Variants in FGF5 observed in about 807,000 individuals in gnomAD.
FGF5 encodes the protein heparin-binding growth factor 5.
In FGF5, 23 loss-of-function variants were observed where a neutral mutation model predicts 21.8. The ratio of observed to expected loss-of-function variants is 1.05; its 90% CI spans 0.76 to 1.49. The LOEUF is 1.49. Ranked by LOEUF, FGF5 falls within the 40% of genes most tolerant of loss-of-function variation. FGF5 has a pLI of 0.00. For missense variants in FGF5, 352 were observed against 332.9 expected, an observed-to-expected ratio of 1.06 and a Z score of -0.45; for synonymous variants, 158 against 124.0, an observed-to-expected ratio of 1.27 and a Z score of -1.82.
rs1286020976 is a variant in FGF5, at chr4:80,274,904, C to T, written c.356-5C>T. On this transcript the variant is annotated splice_polypyrimidine_tract_variant and splice_region_variant and intron_variant, in intron 1 of 2. Coordinates refer to ENST00000312465, the MANE Select transcript of FGF5 (RefSeq NM_004464.4). ...TGTTTTATTTTGGGATTTCTGTCAT[C>T]CTAGGTGTTTTGGAAATATTTGCTG... The T allele has an allele frequency of 7.3e-7, 1 of 1,368,062 alleles. No homozygotes were observed. Among genetic ancestry groups the T allele is most frequent in the South Asian group, 1.2e-5 (1 of 82,728 alleles). The allele number at this position is 1,368,062 out of a possible 1,614,324, so 84.7% of individuals were successfully genotyped here.
At chr4:80,267,230 T>C in intron 1 of FGF5, 51 bp downstream of exon 1, 1 of 1,441,038 alleles carries the variant, frequency 6.9e-7, no homozygotes, top group Non-Finnish European at 9.5e-7. Flanking sequence ...CGCGGAAGAT[T>C]CGGGAGGGAC....
intron 2 of FGF5, among the ~76,000 whole-genome samples, chr4:80,284,158 G>A (rs1020832011): frequency 1.3e-5 from 2 of 152,176 alleles, no homozygotes; most frequent in African/African-American, 4.8e-5. Flanking sequence ...CCTTCGGCCG[G>A]GTGCGGTGGC....
Position 80,288,021 on chromosome 4 carries a change from T to C in FGF5, c.*1349T>C, listed in dbSNP as rs1045198406. 1.3e-5 allele frequency: 2 copies of C among 152,158 alleles called. No homozygotes were observed. Among genetic ancestry groups the C allele is most frequent in the Non-Finnish European group, 2.9e-5 (2 of 68,012 alleles). 9.4% of individuals were successfully genotyped at this position (152,158 alleles called of 1,614,324 possible). On this transcript the variant is annotated 3_prime_UTR_variant, in exon 3 of 3. Transcript: ENST00000312465. ...TTAACTTAAGAAAATTTACAAAATT[T>C]ATTCTCAGGTAATCATTTTAATAAA...
At position 80,286,577 on chromosome 4, in the gene FGF5, A is replaced by T; in HGVS notation, c.712A>T (p.Lys238Ter). The T allele has an allele frequency of 6.2e-7, 1 of 1,614,068 alleles. No individual in the cohort carries two copies. The highest frequency in any genetic ancestry group is 8.5e-7 in the Non-Finnish European group (1 of 1,179,968). ...SFTVTVPEKK[K>*]PPSPIKPKIP... ...CACGGTTACTGTTCCTGAAAAGAAA[A>T]AGCCACCTAGCCCTATCAAGCCAAA... The change falls in exon 3 of 3, where the codon AAG becomes TAG. Residue 238 changes from lysine (K) to a stop codon, truncating the protein, a stop_gained. Coordinates refer to ENST00000312465, the MANE Select transcript of FGF5 (RefSeq NM_004464.4). LOFTEE classifies it high-confidence loss of function.
rs1296562796 is a variant in FGF5, at chr4:80,275,033, T to C, written c.459+21T>C. 3 of 1,052,740 alleles carry C rather than the reference T, an allele frequency of 2.8e-6. No homozygotes were observed. In the South Asian group the frequency reaches 4.3e-5, roughly 15 times the overall value. The allele number at this position is 1,052,740 out of a possible 1,614,324, so 65.2% of individuals were successfully genotyped here. Reference sequence around the variant, plus strand: ...CAAGTGTAAGTAGAACCACTTTATATTTGTTAAAGGTGCTATAAAGATTTT... The same window carrying C: ...CAAGTGTAAGTAGAACCACTTTATACTTGTTAAAGGTGCTATAAAGATTTT... On this transcript the variant is annotated intron_variant, in intron 2 of 2. Coordinates refer to ENST00000312465, the MANE Select transcript of FGF5 (RefSeq NM_004464.4).
Position 80,288,357 on chromosome 4 carries a change from C to T in FGF5, c.*1685C>T, listed in dbSNP as rs1281498722. The T allele has an allele frequency of 6.6e-6, 1 of 151,904 alleles. No homozygotes were observed. The highest frequency in any genetic ancestry group is 1.5e-5 in the Non-Finnish European group (1 of 67,958). 9.4% of individuals were successfully genotyped at this position (151,904 alleles called of 1,614,324 possible). The stretch of plus-strand genomic sequence containing the variant: ...ATAATATATTAAAAAACCCATCCAT[C>T]AACTAAAACATTATATGTATACATC... On this transcript the variant is annotated 3_prime_UTR_variant, in exon 3 of 3. Coordinates refer to ENST00000312465, the MANE Select transcript of FGF5 (RefSeq NM_004464.4).
intron 1 of FGF5, among the ~76,000 whole-genome samples, chr4:80,269,142 T>G (rs1268605123): frequency 6.6e-6 from 1 of 152,188 alleles, no homozygotes; most frequent in Non-Finnish European, 1.5e-5. Flanking sequence ...AGGCTGACAC[T>G]GAAAGACAGG....
chr4:80,270,626 C>T (rs1720243584), intron 1 of FGF5, among the ~76,000 whole-genome samples: 1 of 152,130 alleles, frequency 6.6e-6, no homozygotes, highest in Admixed American at 6.5e-5. Flanking sequence ...CCAACTATTG[C>T]ATGGAAACAA....
At chr4:80,272,909 C>G (rs762747780) in intron 1 of FGF5, among the ~76,000 whole-genome samples, 1 of 152,028 alleles carries the variant, frequency 6.6e-6, no homozygotes, top group Admixed American at 6.6e-5. Context: ...ATCATTAATG[C>G]TATTCCCAAT....
In FGF5 at chr4:80,290,904, T is replaced by C. The variant is rs1051278200; in HGVS notation, c.*4232T>C. 182 of 152,316 alleles carry C rather than the reference T, an allele frequency of 1.2e-3. No homozygotes were observed. Among genetic ancestry groups the C allele is most frequent in the African/African-American group, 4.1e-3 (171 of 41,572 alleles). 9.4% of individuals were successfully genotyped at this position (152,316 alleles called of 1,614,324 possible). ...TATGGCTGCATAGTATTCCATGGTG[T>C]ATATGTGCCACATTTTCTTAATCCA... On this transcript the variant is annotated 3_prime_UTR_variant, in exon 3 of 3. Transcript: ENST00000312465.
At chr4:80,273,130 T>C (rs1349094441) in intron 1 of FGF5, among the ~76,000 whole-genome samples, 2 of 152,068 alleles carry the variant, frequency 1.3e-5, no homozygotes, top group Admixed American at 1.3e-4. Flanking sequence ...ATAAATAGCA[T>C]TTAAAAACAT....
intron 1 of FGF5, among the ~76,000 whole-genome samples, chr4:80,271,134 A>G (rs1390517071): frequency 6.6e-6 from 1 of 152,234 alleles, no homozygotes; most frequent in Non-Finnish European, 1.5e-5. Context: ...TACATGGAAT[A>G]TCTGTGCTTT....
In FGF5 at chr4:80,286,819, A is replaced by C. The variant is rs1720745030; in HGVS notation, c.*147A>C. ...ACGTCATTTGTTTCAATGTGACTGA[A>C]ACAAAATGTTTTTTGATAGGAAGGA... is the stretch of plus-strand genomic sequence containing the variant. On this transcript the variant is annotated 3_prime_UTR_variant, in exon 3 of 3. Coordinates refer to ENST00000312465, the MANE Select transcript of FGF5 (RefSeq NM_004464.4). 3.2e-6 allele frequency: 2 copies of C among 628,144 alleles called. No individual in the cohort carries two copies. The highest frequency in any genetic ancestry group is 2.2e-5 in the South Asian group (1 of 45,770). 38.9% of individuals were successfully genotyped at this position (628,144 alleles called of 1,614,324 possible). A position where few individuals can be genotyped will look rare whatever the true frequency, so the allele number is the denominator to read the frequency against.
intron 2 of FGF5, among the ~76,000 whole-genome samples, chr4:80,278,238 A>G (rs1009218348): frequency 1.3e-5 from 2 of 152,240 alleles, no homozygotes; most frequent in African/African-American, 2.4e-5. Context: ...ACTGTGGCAC[A>G]TCATTAGAAT....
At chr4:80,269,272 G>A (rs1305133984) in intron 1 of FGF5, among the ~76,000 whole-genome samples, 1 of 152,196 alleles carries the variant, frequency 6.6e-6, no homozygotes, top group Non-Finnish European at 1.5e-5. Flanking sequence ...CAGGCAGCAA[G>A]CAGCAGGTTG....
intron 2 of FGF5, among the ~76,000 whole-genome samples, chr4:80,279,156 C>T (rs138708454): frequency 1.3e-5 from 2 of 152,290 alleles, no homozygotes; most frequent in East Asian, 3.9e-4. Flanking sequence ...GGTAAAGACA[C>T]AGTTAGATTG....
Position 80,266,890 on chromosome 4 carries a change from G to C in FGF5, c.66G>C (p.Gly22=). The change falls in exon 1 of 3, where the codon GGG becomes GGC. Residue 22 remains glycine, a synonymous_variant. Coordinates refer to ENST00000312465, the MANE Select transcript of FGF5 (RefSeq NM_004464.4). The stretch of plus-strand genomic sequence containing the variant: ...TGATCCTCAGCGCCTGGGCTCACGG[G>C]GAGAAGCGTCTCGCCCCCAAAGGGC... ...SHLILSAWAH[G]EKRLAPKGQP... is the part of the protein sequence containing the mutation. The C allele has an allele frequency of 1.2e-6, 2 of 1,613,350 alleles. No individual in the cohort carries two copies. The highest frequency in any genetic ancestry group is 1.7e-6 in the Non-Finnish European group (2 of 1,179,656).
Position 80,268,512 on chromosome 4 carries a change from G to A in FGF5, c.355+1333G>A, listed in dbSNP as rs1720167092. The A allele has an allele frequency of 1.0e-5, 10 of 985,976 alleles. No individual in the cohort carries two copies. The South Asian group carries it at 1.9e-4, about 19-fold the overall frequency. 61.1% of individuals were successfully genotyped at this position (985,976 alleles called of 1,614,324 possible). A position where few individuals can be genotyped will look rare whatever the true frequency, so the allele number is the denominator to read the frequency against. On this transcript the variant is annotated intron_variant, in intron 1 of 2. Coordinates refer to ENST00000312465, the MANE Select transcript of FGF5 (RefSeq NM_004464.4). ...CCAGAGGAGCGTGGACACCACCGGC[G>A]GTCTGAAGATTTGGCAGCCAGCAGT... is the stretch of plus-strand genomic sequence containing the variant.
rs565180926 is a variant in FGF5 at position 80,290,701 on chromosome 4, AC to A, written c.*4030del. ...TATCCCTCCCCTCTCCACCCACCCC[AC>A]AGCAGGCCCCGGTATGTGATGTTCC... is the stretch of plus-strand genomic sequence containing the variant. On this transcript the variant is annotated 3_prime_UTR_variant, in exon 3 of 3. Coordinates refer to ENST00000312465, the MANE Select transcript of FGF5 (RefSeq NM_004464.4). 15 of 151,650 alleles carry A rather than the reference AC, an allele frequency of 9.9e-5. No individual in the cohort carries two copies. In the South Asian group the frequency reaches 3.1e-3, roughly 32 times the overall value. The allele number at this position is 151,650 out of a possible 1,614,324, so 9.4% of individuals were successfully genotyped here.
Sources: allele counts gnomAD v4.1 joint callset (sites outside exome capture counted in the v4.1 genomes callset), GRCh38; gene constraint gnomAD v4.1.1; transcripts MANE v1.5; gene names NCBI Gene and HGNC (gene_info 2026-07-23, HGNC 2026-07-21).